RAB27B: variants seen among roughly 807,000 people sequenced by gnomAD.
The protein encoded by RAB27B is RAB27B, member RAS oncogene family.
RAB27B carries 15 observed loss-of-function variants against 24.6 expected under a neutral mutation model. The observed-to-expected ratio is 0.61, with a 90% CI of 0.41 to 0.94. RAB27B has a LOEUF of 0.94. RAB27B is among the 40% of genes least tolerant of loss of function. The pLI is 0.00. For missense variants in RAB27B, 261 were observed against 266.8 expected (o/e 0.98, Z 0.15); for synonymous variants, 105 against 92.5 (o/e 1.14, Z -0.78).
chr18:54,761,774 G>A (rs1908197082), intron 2 of RAB27B, among the ~76,000 whole-genome samples: 1 of 152,188 alleles, frequency 6.6e-6, no homozygotes, highest in East Asian at 1.9e-4. Flanking sequence ...CGATGCCTCT[G>A]ATGGATTGTT....
intron 2 of RAB27B, among the ~76,000 whole-genome samples, chr18:54,722,011 C>T (rs1439251122): frequency 1.3e-5 from 2 of 152,054 alleles, no homozygotes; most frequent in Non-Finnish European, 2.9e-5. Flanking sequence ...CCTTGGAGCC[C>T]GTTTCATAAA....
rs111411235 is a variant in RAB27B, at chr18:54,833,989, T to C, written c.-20+5289T>C. On this transcript the variant is annotated intron_variant, in intron 1 of 5. Transcript: ENST00000262094. ...TAAAACTTACTTGTCAGAGCTGTTA[T>C]AGAGATGACTTCTACTGGGAGGTTG... Among the ~76,000 whole-genome samples the C allele has an allele frequency of 1.4e-3, 209 of 152,342 alleles. 2 individuals carry two copies. Among genetic ancestry groups the C allele is most frequent in the African/African-American group, 4.9e-3 (203 of 41,580 alleles).
intron 4 of RAB27B, among the ~76,000 whole-genome samples, chr18:54,887,636 A>G (rs978507275): frequency 6.6e-6 from 1 of 152,122 alleles, no homozygotes; most frequent in Non-Finnish European, 1.5e-5. Flanking sequence ...ATATTATTAG[A>G]AGAAATCTCC....
chr18:54,785,546 T>C (rs901119759), intron 2 of RAB27B, among the ~76,000 whole-genome samples: 4 of 151,442 alleles, frequency 2.6e-5, no homozygotes, highest in Non-Finnish European at 4.4e-5. Context: ...CTCCTTCTTA[T>C]ATTTCCCTCA....
At chr18:54,791,138 T>C (rs1473368039) in intron 2 of RAB27B, among the ~76,000 whole-genome samples, 5 of 152,170 alleles carry the variant, frequency 3.3e-5, no homozygotes, top group African/African-American at 7.2e-5. Context: ...AATATTTGTT[T>C]TCCATTTTAA....
At chr18:54,781,460 C>G (rs1208842103) in intron 2 of RAB27B, among the ~76,000 whole-genome samples, 1 of 152,068 alleles carries the variant, frequency 6.6e-6, no homozygotes, top group Non-Finnish European at 1.5e-5. Context: ...TTGCCTAACA[C>G]TATAAATCCT....
chr18:54,834,820 C>T (rs1910831529), intron 1 of RAB27B, among the ~76,000 whole-genome samples: 1 of 150,390 alleles, frequency 6.6e-6, no homozygotes, highest in Non-Finnish European at 1.5e-5. Context: ...TTTCTGGCTT[C>T]GTTCTAGCAC....
At chr18:54,745,779 A>C (rs1036800856) in intron 2 of RAB27B, among the ~76,000 whole-genome samples, 10 of 147,282 alleles carry the variant, frequency 6.8e-5, no homozygotes, top group African/African-American at 1.5e-4. Context: ...AGTATTTATA[A>C]ATATTTATTA....
intron 1 of RAB27B, among the ~76,000 whole-genome samples, chr18:54,833,633 CT>C (rs1334740745): frequency 6.6e-6 from 1 of 152,168 alleles, no homozygotes; most frequent in Non-Finnish European, 1.5e-5. Flanking sequence ...GTTATTGTGA[CT>C]GCAAATAACT....
chr18:54,883,661 C>T (rs923388860), intron 3 of RAB27B, among the ~76,000 whole-genome samples: 1 of 152,096 alleles, frequency 6.6e-6, no homozygotes, highest in African/African-American at 2.4e-5. Flanking sequence ...AGCAAATTCT[C>T]TAAAATCCTC....
At chr18:54,835,790 C>A (rs1267810908) in intron 1 of RAB27B, among the ~76,000 whole-genome samples, 1 of 151,900 alleles carries the variant, frequency 6.6e-6, no homozygotes, top group East Asian at 1.9e-4. Flanking sequence ...GTCACTAGGC[C>A]ATCATCAGAT....
intron 2 of RAB27B, among the ~76,000 whole-genome samples, chr18:54,759,527 C>T (rs1190367987): frequency 6.6e-6 from 1 of 152,202 alleles, no homozygotes; most frequent in African/African-American, 2.4e-5. Flanking sequence ...CACTAATTAG[C>T]TCTGTGATAC....
chr18:54,852,282 A>G (rs1419552035), intron 1 of RAB27B, among the ~76,000 whole-genome samples: 1 of 152,174 alleles, frequency 6.6e-6, no homozygotes, highest in African/African-American at 2.4e-5. Context: ...CTACTTATAT[A>G]GGAGGGATCT....
intron 1 of RAB27B, among the ~76,000 whole-genome samples, chr18:54,866,181 T>A (rs1299198212): frequency 6.6e-6 from 1 of 152,176 alleles, no homozygotes; most frequent in East Asian, 1.9e-4. Context: ...AGCAACACTG[T>A]CCTAAAGGGA....
chr18:54,892,470 C>A lies in RAB27B; in HGVS notation c.*3057C>A, dbSNP rs770103866. 2 of 152,044 alleles carry A rather than the reference C, an allele frequency of 1.3e-5. No homozygotes were observed. Among genetic ancestry groups the A allele is most frequent in the Non-Finnish European group, 2.9e-5 (2 of 67,974 alleles). The allele number at this position is 152,044 out of a possible 1,614,324, so 9.4% of individuals were successfully genotyped here. A position where few individuals can be genotyped will look rare whatever the true frequency, so the allele number is the denominator to read the frequency against. ...CTTCTCTTGGTCTCCTCACTTACTT[C>A]TTATGAAGTTGGCATTACCTGAGAC... On this transcript the variant is annotated 3_prime_UTR_variant, in exon 6 of 6. Transcript: ENST00000262094.
At chr18:54,868,089 A>G (rs1912312884) in intron 1 of RAB27B, among the ~76,000 whole-genome samples, 1 of 152,168 alleles carries the variant, frequency 6.6e-6, no homozygotes, top group Middle Eastern at 3.4e-3. Context: ...TCTTTGTGAC[A>G]GTGAGTGTGT....
rs144867522 is a variant in RAB27B, at chr18:54,771,934, G to T, written c.-20+53793G>T. ...TACTCACTACTTTAGGCAGTTAAGA[G>T]AAAAATATATCATCTCTATTACTTA... On this transcript the variant is annotated intron_variant, in intron 2 of 4. Coordinates refer to the RAB27B transcript ENST00000586570. 3.2e-3 allele frequency among the ~76,000 whole-genome samples: 493 copies of T among 152,240 alleles called. 1 individual carries two copies. The highest frequency in any genetic ancestry group is 5.6e-3 in the Non-Finnish European group (381 of 68,018).
chr18:54,855,407 A>T (rs1911743035), intron 1 of RAB27B, among the ~76,000 whole-genome samples: 1 of 152,186 alleles, frequency 6.6e-6, no homozygotes, highest in Admixed American at 6.5e-5. Flanking sequence ...TCTTGCCTTC[A>T]TTTAAAGTAC....
intron 2 of RAB27B, among the ~76,000 whole-genome samples, chr18:54,781,899 G>A (rs1345367755): frequency 7.9e-5 from 12 of 152,162 alleles, no homozygotes; most frequent in Non-Finnish European, 1.8e-4. Flanking sequence ...TTAAATGTTA[G>A]ATACCAATTA....
Sources: gnomAD v4.1 joint callset for allele counts (sites outside exome capture counted in the v4.1 genomes callset) on GRCh38, gnomAD v4.1.1 for gene constraint, MANE v1.5 for transcripts, NCBI Gene and HGNC (gene_info 2026-07-23, HGNC 2026-07-21) for gene names.